PLCG1: variants seen among roughly 807,000 people sequenced by gnomAD.
PLCG1 encodes the protein phospholipase C gamma 1, also known as 1-phosphatidylinositol 4,5-bisphosphate phosphodiesterase gamma-1.
In PLCG1, 71 loss-of-function variants were observed where a neutral mutation model predicts 177.8. That is an observed-to-expected ratio of 0.40 (90% CI 0.33 to 0.49). The LOEUF is 0.49. PLCG1 is among the 20% of genes least tolerant of loss of function. The pLI is 0.72. For missense variants in PLCG1, 1,281 were observed against 1,709.0 expected (o/e 0.75, Z 4.42); for synonymous variants, 658 against 647.9 (o/e 1.02, Z -0.24).
At position 41,162,529 on chromosome 20, in the gene PLCG1, G is replaced by A. The variant is rs144195056; in HGVS notation, c.590G>A (p.Arg197Gln). Reference sequence around the variant, plus strand: ...CCCAACATGCGCTTCCTCCGAGAGCGGCTGACGGTAAGTGCCACCCAGGGC... The same window carrying A: ...CCCAACATGCGCTTCCTCCGAGAGCAGCTGACGGTAAGTGCCACCCAGGGC... Reference protein sequence around the residue: ...RVPNMRFLRERLTDLEQRSGD... With the variant: ...RVPNMRFLREQLTDLEQRSGD... Residue 197 changes from arginine (R) to glutamine (Q), a missense_variant, in exon 5 of 32, where the codon CGG becomes CAG. Physicochemically the swap from Arg to Gln is conservative, Grantham distance 43. Around this residue, in one of 4 missense-constraint regions of PLCG1, gnomAD observed 374 missense variants for 443.8 expected, o/e 0.84. Transcript: ENST00000685551. 9.3e-6 allele frequency: 15 copies of A among 1,613,720 alleles called. No homozygotes were observed. Among genetic ancestry groups the A allele is most frequent in the South Asian group, 3.3e-5 (3 of 91,058 alleles).
rs1029580899 is a variant in PLCG1 at position 41,147,221 on chromosome 20, G to A, written c.217+9363G>A. On this transcript the variant is annotated intron_variant, in intron 1 of 31. Transcript: ENST00000685551. This position sits in a 1 kb window ranked among gnomAD's most constrained non-coding sequence, Gnocchi z 4.0. ...CTGGGACTGTGGCCTTTTCTTGGGC[G>A]TTCTTAGCATATCTACCAAGGAGGT... Among the ~76,000 whole-genome samples, 2 of 152,170 alleles carry A rather than the reference G, an allele frequency of 1.3e-5. No homozygotes were observed. Among genetic ancestry groups the A allele is most frequent in the South Asian group, 2.1e-4 (1 of 4,836 alleles).
Position 41,157,704 on chromosome 20 carries a change from C to T in PLCG1, c.218-1902C>T, listed in dbSNP as rs973062559. Among the ~76,000 whole-genome samples, 10 of 152,266 alleles carry T rather than the reference C, an allele frequency of 6.6e-5. No individual in the cohort carries two copies. Among genetic ancestry groups the T allele is most frequent in the Non-Finnish European group, 1.3e-4 (9 of 68,016 alleles). On this transcript the variant is annotated intron_variant, in intron 1 of 31. Transcript: ENST00000685551. This position sits in a 1 kb window ranked among gnomAD's most constrained non-coding sequence, Gnocchi z 5.4. ...AAGAGAAGGGAGCCGGGGAGGTGGA[C>T]ATTTCCAGACTAGGAATCAAGATGA...
rs763484844 is a variant in PLCG1 at position 41,151,510 on chromosome 20, G to A, written c.218-8096G>A. ...GTGACCTCAGAAGTCCCTGAACCCA[G>A]ATCCTTGTTTGTAAAATGGAAAGGG... On this transcript the variant is annotated intron_variant, in intron 1 of 31. Coordinates refer to ENST00000685551, the MANE Select transcript of PLCG1 (RefSeq NM_002660.3). This position sits in a 1 kb window ranked among gnomAD's most constrained non-coding sequence, Gnocchi z 5.5. 2.0e-5 allele frequency among the ~76,000 whole-genome samples: 3 copies of A among 152,178 alleles called. No homozygotes were observed. Among genetic ancestry groups the A allele is most frequent in the Admixed American group, 6.5e-5 (1 of 15,282 alleles).
rs777680197 is a variant in PLCG1 at position 41,137,760 on chromosome 20, C to G, written c.119C>G (p.Ser40Cys). Residue 40 changes from serine (S) to cysteine (C), a missense_variant, in exon 1 of 32, where the codon TCC becomes TGC. Transcript: ENST00000685551. The surrounding 1 kb of genome is among the most constrained non-coding windows in gnomAD (Gnocchi z 7.3). ...GGCACCGTCATGACTTTGTTCTACT[C>G]CAAGAAGTCGCAGCGACCCGAGCGG... ...EVGTVMTLFY[S>C]KKSQRPERKT... The G allele has an allele frequency of 7.7e-7, 1 of 1,291,516 alleles. No homozygotes were observed. The highest frequency in any genetic ancestry group is 9.9e-7 in the Non-Finnish European group (1 of 1,012,466). The allele number at this position is 1,291,516 out of a possible 1,614,324, so 80.0% of individuals were successfully genotyped here. A position where few individuals can be genotyped will look rare whatever the true frequency, so the allele number is the denominator to read the frequency against.
rs534926464 is a variant in PLCG1 at position 41,148,475 on chromosome 20, C to T, written c.217+10617C>T. On this transcript the variant is annotated intron_variant, in intron 1 of 31. Coordinates refer to ENST00000685551, the MANE Select transcript of PLCG1 (RefSeq NM_002660.3). The surrounding 1 kb of genome is among the most constrained non-coding windows in gnomAD (Gnocchi z 4.3). ...TCCTCTCCCTTGTGAGAGGGCTCTG[C>T]AGAGACAGGGCAGCAGAGAGAGACT... 7.0e-4 allele frequency among the ~76,000 whole-genome samples: 106 copies of T among 152,130 alleles called. 1 individual carries two copies. The highest frequency in any genetic ancestry group is 2.3e-3 in the African/African-American group (95 of 41,504).
chr20:41,138,617 G>C (rs930934542), intron 1 of PLCG1, among the ~76,000 whole-genome samples: 1 of 152,090 alleles, frequency 6.6e-6, no homozygotes, highest in Non-Finnish European at 1.5e-5. Context: ...CCCCATAAAG[G>C]CCTGCCCCAG....
At chr20:41,140,736 T>C (rs979631057) in intron 1 of PLCG1, among the ~76,000 whole-genome samples, 1 of 152,108 alleles carries the variant, frequency 6.6e-6, no homozygotes, top group African/African-American at 2.4e-5. Context: ...AGGAACCAGG[T>C]TGGTGTTTGG....
At chr20:41,162,064 G>A (rs1049362854) in intron 4 of PLCG1, among the ~76,000 whole-genome samples, 6 of 152,174 alleles carry the variant, frequency 3.9e-5, no homozygotes, top group African/African-American at 1.4e-4. Flanking sequence ...AGTGAGCCCT[G>A]CCTTCTGTCT....
rs1267772020 is a variant in PLCG1, at chr20:41,164,924, A to G, written c.1218-9A>G. 3 of 1,612,174 alleles carry G rather than the reference A, an allele frequency of 1.9e-6. No individual in the cohort carries two copies. Among genetic ancestry groups the G allele is most frequent in the Non-Finnish European group, 2.5e-6 (3 of 1,178,698 alleles). On this transcript the variant is annotated splice_polypyrimidine_tract_variant and intron_variant, in intron 12 of 31. Transcript: ENST00000685551. This position sits in a 1 kb window ranked among gnomAD's most constrained non-coding sequence, Gnocchi z 6.4. ...ATCTGTTTCACTGTGCTTGTCCCCC[A>G]TCCCGCAGGTACCCAGTCATCCTGT...
rs35480755 is a variant in PLCG1 at position 41,165,993 on chromosome 20, C to G, written c.1799+167C>G. On this transcript the variant is annotated intron_variant, in intron 16 of 31. Coordinates refer to ENST00000685551, the MANE Select transcript of PLCG1 (RefSeq NM_002660.3). This position sits in a 1 kb window ranked among gnomAD's most constrained non-coding sequence, Gnocchi z 6.6. ...ACACACACACACTCTCTGTCTCACCCCCCCCCCATACCCCTCCCTTTTCGG... is the reference window on the plus strand; with the variant it reads ...ACACACACACACTCTCTGTCTCACCGCCCCCCCATACCCCTCCCTTTTCGG... 4.8e-3 allele frequency: 3,285 copies of G among 679,728 alleles called. 19 individuals are homozygous for G. The highest frequency in any genetic ancestry group is 6.5e-3 in the Non-Finnish European group (2,669 of 413,612). The allele number at this position is 679,728 out of a possible 1,614,324, so 42.1% of individuals were successfully genotyped here.
intron 24 of PLCG1, among the ~76,000 whole-genome samples, chr20:41,171,524 T>A (rs911034425): frequency 7.0e-6 from 1 of 143,506 alleles, no homozygotes; most frequent in African/African-American, 2.6e-5. Flanking sequence ...GAGGTGGAGA[T>A]TGCAGTGAGC....
chr20:41,162,483 T>A lies in PLCG1; in HGVS notation c.544T>A (p.Ser182Thr). The stretch of plus-strand genomic sequence containing the variant: ...AGCCAAGGACCTGAAGAACATGCTG[T>A]CCCAGGTCAACTACCGGGTCCCCAA... ...ISAKDLKNML[S>T]QVNYRVPNMR... The change falls in exon 5 of 32, where the codon TCC becomes ACC. Residue 182 changes from serine (S) to threonine (T), a missense_variant. Transcript: ENST00000685551. 6.2e-7 allele frequency: 1 copy of A among 1,613,870 alleles called. No individual in the cohort carries two copies. Among genetic ancestry groups the A allele is most frequent in the Non-Finnish European group, 8.5e-7 (1 of 1,179,852 alleles).
At chr20:41,169,652 C>T (rs1348161258) in intron 23 of PLCG1, 126 bp downstream of exon 23, 3 of 747,036 alleles carry the variant, frequency 4.0e-6, no homozygotes, top group South Asian at 1.6e-5. Flanking sequence ...TCCAAGCTCT[C>T]CCCATGCTCT....
Position 41,137,772 on chromosome 20 carries a change from A to G in PLCG1, c.131A>G (p.Gln44Arg). The change falls in exon 1 of 32, where the codon CAG (glutamine) becomes CGG (arginine). Residue 44 changes from glutamine to arginine, a missense_variant. Gln to Arg is a conservative substitution (Grantham distance 43). Coordinates refer to ENST00000685551, the MANE Select transcript of PLCG1 (RefSeq NM_002660.3). This position sits in a 1 kb window ranked among gnomAD's most constrained non-coding sequence, Gnocchi z 7.3. ...VMTLFYSKKSQRPERKTFQVK... is the reference protein window; with the variant it reads ...VMTLFYSKKSRRPERKTFQVK... The stretch of plus-strand genomic sequence containing the variant: ...ACTTTGTTCTACTCCAAGAAGTCGC[A>G]GCGACCCGAGCGGAAGACCTTCCAG... 1 of 1,295,204 alleles carries G rather than the reference A, an allele frequency of 7.7e-7. No homozygotes were observed. Among genetic ancestry groups the G allele is most frequent in the Non-Finnish European group, 9.9e-7 (1 of 1,014,338 alleles). 80.2% of individuals were successfully genotyped at this position (1,295,204 alleles called of 1,614,324 possible). A position where few individuals can be genotyped will look rare whatever the true frequency, so the allele number is the denominator to read the frequency against.
Position 41,174,434 on chromosome 20 carries a change from C to T in PLCG1, c.3834-33C>T. The T allele has an allele frequency of 1.3e-6, 2 of 1,592,818 alleles. No individual in the cohort carries two copies. The highest frequency in any genetic ancestry group is 4.5e-5 in the East Asian group (2 of 44,044). ...CTGGCATTGGGCTGCAAGGCCCTGC[C>T]TGCCAGTAAGGACACTCTTCCCTTC... On this transcript the variant is annotated intron_variant, in intron 31 of 31. Transcript: ENST00000685551. This position sits in a 1 kb window ranked among gnomAD's most constrained non-coding sequence, Gnocchi z 5.8.
Position 41,160,821 on chromosome 20 carries a change from A to T in PLCG1, c.512+668A>T, listed in dbSNP as rs34887308. On this transcript the variant is annotated intron_variant, in intron 4 of 31. Coordinates refer to ENST00000685551, the MANE Select transcript of PLCG1 (RefSeq NM_002660.3). The surrounding 1 kb of genome is among the most constrained non-coding windows in gnomAD (Gnocchi z 5.5). ...AGATTGATTTTGGGGTGTGAGAGGC[A>T]TTGAGGATAATAGTATGCTGTTTGG... is the stretch of plus-strand genomic sequence containing the variant. Among the ~76,000 whole-genome samples the T allele has an allele frequency of 0.072, 10,885 of 152,234 alleles. 424 individuals carry two copies. Among genetic ancestry groups the T allele is most frequent in the Middle Eastern group, 0.17 (50 of 294 alleles).
At position 41,175,349 on chromosome 20, in the gene PLCG1, G is replaced by T. The variant is rs992434935; in HGVS notation, c.*840G>T. The T allele has an allele frequency of 1.3e-5, 2 of 152,064 alleles. No individual in the cohort carries two copies. Among genetic ancestry groups the T allele is most frequent in the Admixed American group, 1.3e-4 (2 of 15,272 alleles). The allele number at this position is 152,064 out of a possible 1,614,324, so 9.4% of individuals were successfully genotyped here. The stretch of plus-strand genomic sequence containing the variant: ...AAATAGCAGAGCCTATTTTGGTGAG[G>T]TTTTTTGTTTTTAAGTCAAAGAAGA... On this transcript the variant is annotated 3_prime_UTR_variant, in exon 32 of 32. Transcript: ENST00000685551.
Position 41,167,176 on chromosome 20 carries a change from C to A in PLCG1, c.2301+317C>A, listed in dbSNP as rs898820411. Among the ~76,000 whole-genome samples the A allele has an allele frequency of 5.3e-5, 8 of 152,148 alleles. No individual in the cohort carries two copies. Among genetic ancestry groups the A allele is most frequent in the African/African-American group, 1.9e-4 (8 of 41,412 alleles). On this transcript the variant is annotated intron_variant, in intron 19 of 31. Coordinates refer to ENST00000685551, the MANE Select transcript of PLCG1 (RefSeq NM_002660.3). This position sits in a 1 kb window ranked among gnomAD's most constrained non-coding sequence, Gnocchi z 4.4. ...GGAAACTCATCCACCTGGGCTTGGC[C>A]TGGACTCTGTCCTAGGGCAGATGAG...
At position 41,149,542 on chromosome 20, in the gene PLCG1, T is replaced by C. The variant is rs34404087; in HGVS notation, c.218-10064T>C. Among the ~76,000 whole-genome samples, 887 of 152,316 alleles carry C rather than the reference T, an allele frequency of 5.8e-3. 7 individuals carry two copies. The highest frequency in any genetic ancestry group is 0.018 in the South Asian group (88 of 4,832). ...GTGTTTGGTTTTGAGGAGTTGTCTT[T>C]GAGACGTTTTGAGATGAAGAGTGGG... On this transcript the variant is annotated intron_variant, in intron 1 of 31. Transcript: ENST00000685551.
Sources: gnomAD v4.1 joint callset for allele counts (sites outside exome capture counted in the v4.1 genomes callset) on GRCh38, gnomAD v4.1.1 for gene constraint, gnomAD v4.1.1 regional missense constraint, Gnocchi (gnomAD v3.1) non-coding constraint, MANE v1.5 for transcripts, NCBI Gene and HGNC (gene_info 2026-07-23, HGNC 2026-07-21) for gene names.